ENAH: variants seen among roughly 807,000 people sequenced by gnomAD.
The protein encoded by ENAH is protein enabled homolog.
A neutral mutation model predicts 78.7 loss-of-function variants in ENAH; 23 were observed. The observed-to-expected ratio is 0.29, with a 90% CI of 0.21 to 0.41. ENAH has a LOEUF of 0.41. ENAH is among the 10% of genes least tolerant of loss of function. The probability of loss-of-function intolerance (pLI) is 1.00; values close to 1 mark genes in which losing one functional copy is unlikely to be tolerated. For synonymous variants in ENAH, 226 were observed against 241.0 expected (o/e 0.94, Z 0.58); for missense variants, 544 against 691.0 (o/e 0.79, Z 2.39).
chr1:225,532,010 A>T lies in ENAH; in HGVS notation c.350-1372T>A, dbSNP rs893777319. On this transcript the variant is annotated intron_variant, in intron 3 of 13. Transcript: ENST00000366843. Reference sequence around the variant, plus strand: ...AGAACCAAATAAATATTATAAAAAAAAATTAATCCCATGTAATCAATAACA... The same window carrying T: ...AGAACCAAATAAATATTATAAAAAATAATTAATCCCATGTAATCAATAACA... 4.6e-5 allele frequency among the ~76,000 whole-genome samples: 7 copies of T among 152,256 alleles called. No individual in the cohort carries two copies. The South Asian group carries it at 8.3e-4, about 18-fold the overall frequency.
At chr1:225,585,509 C>T (rs183888765) in intron 1 of ENAH, among the ~76,000 whole-genome samples, 2 of 152,156 alleles carry the variant, frequency 1.3e-5, no homozygotes, top group Admixed American at 1.3e-4. Flanking sequence ...ATAAATTGCC[C>T]AGGTGCAGTG....
intron 3 of ENAH, chr1:225,530,904 G>C (rs1472364610): frequency 2.4e-6 from 1 of 417,550 alleles, no homozygotes; most frequent in Non-Finnish European, 4.2e-6. Flanking sequence ...TGAAGAGCTT[G>C]AGTAAAACAA....
intron 1 of ENAH, among the ~76,000 whole-genome samples, chr1:225,631,226 T>C (rs1446670343): frequency 1.3e-5 from 2 of 152,068 alleles, no homozygotes; most frequent in African/African-American, 4.8e-5. Flanking sequence ...AGAACTCCTT[T>C]TCTTGATTTG....
chr1:225,514,954 A>C, intron 6 of ENAH, 54 bp from the exon 7 acceptor site: 1 of 1,437,450 alleles, frequency 7.0e-7, no homozygotes, highest in Non-Finnish European at 9.7e-7. Context: ...GAGTGATATT[A>C]TTTTATGTGG....
intron 1 of ENAH, among the ~76,000 whole-genome samples, chr1:225,622,158 T>A (rs1657102686): frequency 6.6e-6 from 1 of 152,036 alleles, no homozygotes; most frequent in South Asian, 2.1e-4. Context: ...CTGAAGGTTA[T>A]TATACATATT....
rs572417088 is a variant in ENAH, at chr1:225,560,015, G to T, written c.172-4932C>A. 3.9e-5 allele frequency among the ~76,000 whole-genome samples: 6 copies of T among 152,328 alleles called. No homozygotes were observed. In the South Asian group the frequency reaches 1.2e-3, roughly 32 times the overall value. On this transcript the variant is annotated intron_variant, in intron 2 of 13. Transcript: ENST00000366843. ...TGGGGAAGCAGGACTAGCCCAGAAA[G>T]TCTGCTCTGTAACTTGGCCAAAGGA...
intron 2 of ENAH, among the ~76,000 whole-genome samples, chr1:225,562,416 C>A (rs1342728341): frequency 1.3e-5 from 2 of 151,160 alleles, no homozygotes; most frequent in African/African-American, 2.4e-5. Flanking sequence ...ACTAAAAATA[C>A]AAAAAATTAA....
intron 1 of ENAH, among the ~76,000 whole-genome samples, chr1:225,601,273 C>G (rs1302523692): frequency 6.6e-6 from 1 of 152,152 alleles, no homozygotes; most frequent in Non-Finnish European, 1.5e-5. Flanking sequence ...GTAATCCCAG[C>G]AGTTTGGGAG....
intron 1 of ENAH, chr1:225,652,426 G>T: frequency 1.0e-6 from 1 of 984,958 alleles, no homozygotes; most frequent in Non-Finnish European, 1.2e-6. Flanking sequence ...AATTTAGGAA[G>T]GGAAATCCTG....
At chr1:225,541,550 GAAGTA>G (rs2096588922) in intron 3 of ENAH, among the ~76,000 whole-genome samples, 1 of 152,192 alleles carries the variant, frequency 6.6e-6, no homozygotes, top group African/African-American at 2.4e-5. Flanking sequence ...TATGGTATGT[GAAGTA>G]AAGCTCGATA....
Position 225,489,144 on chromosome 1 carries a change from C to G in ENAH, c.*8631G>C, listed in dbSNP as rs2096211643. On this transcript the variant is annotated 3_prime_UTR_variant, in exon 14 of 14. Transcript: ENST00000366843. ...TTCACTTCATCGAGCTCTGGAAAGT[C>G]TGTTTACTTAGAAACAGCTCTTGAA... 6.6e-6 allele frequency: 1 copy of G among 152,114 alleles called. No individual in the cohort carries two copies. The highest frequency in any genetic ancestry group is 6.6e-5 in the Admixed American group (1 of 15,260). 9.4% of individuals were successfully genotyped at this position (152,114 alleles called of 1,614,324 possible). A position where few individuals can be genotyped will look rare whatever the true frequency, so the allele number is the denominator to read the frequency against.
At chr1:225,532,955 G>A (rs994881155) in intron 3 of ENAH, among the ~76,000 whole-genome samples, 7 of 152,002 alleles carry the variant, frequency 4.6e-5, no homozygotes, top group African/African-American at 1.2e-4. Flanking sequence ...TGATGATAAT[G>A]GATTTTTGGG....
At chr1:225,582,658 G>C (rs2096824885) in intron 1 of ENAH, among the ~76,000 whole-genome samples, 1 of 152,208 alleles carries the variant, frequency 6.6e-6, no homozygotes, top group African/African-American at 2.4e-5. Flanking sequence ...TATAAACTCT[G>C]CCTAAATCTC....
chr1:225,532,617 T>C (rs2096543387), intron 3 of ENAH, among the ~76,000 whole-genome samples: 1 of 152,128 alleles, frequency 6.6e-6, no homozygotes, highest in African/African-American at 2.4e-5. Context: ...CTCAATCCTA[T>C]TTATTTTATT....
intron 10 of ENAH, among the ~76,000 whole-genome samples, chr1:225,509,270 G>C (rs188159214): frequency 5.3e-5 from 8 of 152,136 alleles, no homozygotes; most frequent in Non-Finnish European, 8.8e-5. Context: ...GAGGGACACC[G>C]GGACAGGGAA....
intron 1 of ENAH, among the ~76,000 whole-genome samples, chr1:225,649,236 T>C (rs1049101413): frequency 6.6e-6 from 1 of 152,156 alleles, no homozygotes; most frequent in Non-Finnish European, 1.5e-5. Flanking sequence ...CAAATCCTCA[T>C]AACCCTACTA....
chr1:225,580,808 T>C (rs969712441), intron 1 of ENAH, among the ~76,000 whole-genome samples: 10 of 150,888 alleles, frequency 6.6e-5, no homozygotes, highest in East Asian at 3.9e-4. Context: ...TCCCAGCTAC[T>C]TGGGAGGCTG....
chr1:225,605,565 G>A (rs1681755394), intron 1 of ENAH, among the ~76,000 whole-genome samples: 1 of 152,140 alleles, frequency 6.6e-6, no homozygotes, highest in Non-Finnish European at 1.5e-5. Flanking sequence ...TTTCTGAAGT[G>A]TATCAGAAAT....
intron 1 of ENAH, among the ~76,000 whole-genome samples, chr1:225,590,449 A>AAAAG (rs2096870225): frequency 1.4e-5 from 2 of 141,364 alleles, no homozygotes; most frequent in Admixed American, 6.9e-5. Context: ...GTCTCAAAAA[A>AAAAG]AAAGAAAAAA....
Sources: allele counts gnomAD v4.1 joint callset (sites outside exome capture counted in the v4.1 genomes callset), GRCh38; gene constraint gnomAD v4.1.1; transcripts MANE v1.5; gene names NCBI Gene and HGNC (gene_info 2026-07-23, HGNC 2026-07-21).